Variants in ZC3H12B observed in about 807,000 individuals in gnomAD.
ZC3H12B encodes zinc finger CCCH-type containing 12B, also known as probable ribonuclease ZC3H12B.
A neutral mutation model predicts 43.9 loss-of-function variants in ZC3H12B; 7 were observed. The observed-to-expected ratio is 0.16, with a 90% CI of 0.09 to 0.30. The LOEUF (loss-of-function observed/expected upper bound fraction) is 0.30. Among genes scored for constraint, ZC3H12B ranks in the 10% least tolerant of loss-of-function variants. The pLI is 1.00. For missense variants in ZC3H12B, 475 were observed against 670.2 expected (o/e 0.71, Z 3.22); for synonymous variants, 222 against 241.7 (o/e 0.92, Z 0.76).
At chrX:65,166,431 A>T in the ZC3H12B span, among the ~76,000 whole-genome samples, 152 of 111,501 alleles carry the variant, frequency 1.4e-3, no homozygotes, top group Non-Finnish European at 2.4e-3. Context: ...CATTTTCTTA[A>T]TCCAGTCTAT....
chrX:65,163,837 A>T, the ZC3H12B span, among the ~76,000 whole-genome samples: 11 of 112,105 alleles, frequency 9.8e-5, no homozygotes, highest in Non-Finnish European at 2.1e-4. Flanking sequence ...TCAGATGGAA[A>T]TTCAGAAATC....
intron 3 of ZC3H12B, among the ~76,000 whole-genome samples, chrX:65,471,577 A>T (rs920956775): frequency 1.9e-5 from 2 of 106,563 alleles, no homozygotes; most frequent in African/African-American, 6.9e-5. Context: ...CAGCCTCCCG[A>T]GTAGCTGGGA....
the ZC3H12B span, among the ~76,000 whole-genome samples, chrX:65,197,432 T>C: frequency 8.9e-6 from 1 of 112,208 alleles, no homozygotes; most frequent in African/African-American, 3.2e-5. Context: ...GACCTCTTTC[T>C]AATAATGGCC....
the ZC3H12B span, among the ~76,000 whole-genome samples, chrX:65,218,925 C>A: frequency 8.9e-6 from 1 of 112,015 alleles, no homozygotes; most frequent in African/African-American, 3.2e-5. Context: ...CCACTTCACT[C>A]CATTGCTACC....
At chrX:65,321,967 T>A in the ZC3H12B span, among the ~76,000 whole-genome samples, 1 of 111,269 alleles carries the variant, frequency 9.0e-6, no homozygotes, top group Admixed American at 9.5e-5. Context: ...GGTGATTAGA[T>A]AATCTATACA....
chrX:65,091,790 G>C, the ZC3H12B span, among the ~76,000 whole-genome samples: 2 of 112,125 alleles, frequency 1.8e-5, no homozygotes, highest in Non-Finnish European at 3.8e-5. Flanking sequence ...GCATACAAGG[G>C]TTATATGGGA....
At chrX:65,126,054 T>G in the ZC3H12B span, among the ~76,000 whole-genome samples, 2 of 109,455 alleles carry the variant, frequency 1.8e-5, no homozygotes, top group African/African-American at 6.6e-5. Context: ...TGTGTGTTTT[T>G]TTTTTTTTCA....
chrX:65,126,749 G>C, the ZC3H12B span, among the ~76,000 whole-genome samples: 4 of 103,502 alleles, frequency 3.9e-5, no homozygotes, highest in Non-Finnish European at 5.9e-5. Flanking sequence ...TTGTCTTCAA[G>C]CTCTGGAGCT....
At chrX:65,228,269 A>C in the ZC3H12B span, among the ~76,000 whole-genome samples, 3 of 111,957 alleles carry the variant, frequency 2.7e-5, no homozygotes, top group African/African-American at 9.7e-5. Context: ...ATAAACAGAA[A>C]CAAAGACAAA....
At chrX:65,055,916 G>C in the ZC3H12B span, among the ~76,000 whole-genome samples, 30 of 111,835 alleles carry the variant, frequency 2.7e-4, no homozygotes, top group Non-Finnish European at 5.6e-4. Context: ...TTGTATTTCT[G>C]TGGGATCAGT....
chrX:65,404,947 T>C (rs1381239830), intron 3 of ZC3H12B, among the ~76,000 whole-genome samples: 1 of 112,549 alleles, frequency 8.9e-6, no homozygotes, highest in Non-Finnish European at 1.9e-5. Context: ...ATAGACCATA[T>C]GATAGGTCAA....
chrX:65,251,364 G>C, the ZC3H12B span, among the ~76,000 whole-genome samples: 2 of 111,596 alleles, frequency 1.8e-5, no homozygotes, highest in East Asian at 5.6e-4. Context: ...TTTGAAATCA[G>C]GTAGCGTGAT....
At chrX:65,492,452 C>T (rs953871529) in intron 1 of ZC3H12B, among the ~76,000 whole-genome samples, 71 of 112,077 alleles carry the variant, frequency 6.3e-4, no homozygotes, top group African/African-American at 2.2e-3. Context: ...AAAGGCATCT[C>T]GCATGATTTA....
the ZC3H12B span, among the ~76,000 whole-genome samples, chrX:65,122,302 G>C: frequency 2.7e-5 from 3 of 110,908 alleles, no homozygotes; most frequent in African/African-American, 9.8e-5. Context: ...ATAAATGAAG[G>C]AGAAATAAAA....
upstream of ZC3H12B, among the ~76,000 whole-genome samples, chrX:65,488,418 G>C: frequency 2.1e-5 from 2 of 93,102 alleles, no homozygotes. Context: ...CGACAGGAGC[G>C]GGTGGGGGGC....
At chrX:65,226,132 C>G in the ZC3H12B span, among the ~76,000 whole-genome samples, 1 of 111,598 alleles carries the variant, frequency 9.0e-6, no homozygotes, top group Non-Finnish European at 1.9e-5. Context: ...AGAGAAAGGT[C>G]GGGTTACCCA....
At chrX:65,200,872 G>A in the ZC3H12B span, among the ~76,000 whole-genome samples, 1 of 111,714 alleles carries the variant, frequency 9.0e-6, no homozygotes, top group Admixed American at 9.5e-5. Context: ...AACCAACCTT[G>A]CATCAAGAGG....
chrX:65,173,008 C>T, the ZC3H12B span, among the ~76,000 whole-genome samples: 1 of 111,875 alleles, frequency 8.9e-6, no homozygotes, highest in Non-Finnish European at 1.9e-5. Flanking sequence ...CTATAAATTA[C>T]TTTGGGCAGT....
the ZC3H12B span, among the ~76,000 whole-genome samples, chrX:65,087,069 C>T: frequency 5.4e-5 from 6 of 110,559 alleles, no homozygotes; most frequent in Admixed American, 4.8e-4. Context: ...TGAGTCTTCT[C>T]TTTAGGTCTG....
Sources: gnomAD v4.1 joint callset for allele counts (sites outside exome capture counted in the v4.1 genomes callset) on GRCh38, gnomAD v4.1.1 for gene constraint, MANE v1.5 for transcripts, NCBI Gene and HGNC (gene_info 2026-07-23, HGNC 2026-07-21) for gene names.